Variants in NBN observed in about 807,000 individuals in gnomAD.
The protein encoded by NBN is Nijmegen breakage syndrome 1 (nibrin).
In NBN, 88 loss-of-function variants were observed where a neutral mutation model predicts 90.8. The observed-to-expected ratio is 0.97, with a 90% CI of 0.82 to 1.16. NBN has a LOEUF of 1.16. NBN is among the 50% of genes most tolerant of loss of function. The pLI, the probability that NBN is intolerant of heterozygous loss-of-function variation, is 0.00. For synonymous variants in NBN, 328 were observed against 295.1 expected (o/e 1.11, Z -1.14); for missense variants, 894 against 869.6 (o/e 1.03, Z -0.35).
chr8:89,944,793 C>T (rs968950768), intron 13 of NBN, among the ~76,000 whole-genome samples: 5 of 152,164 alleles, frequency 3.3e-5, no homozygotes, highest in Admixed American at 3.3e-4. Context: ...ATTGCCCAGG[C>T]TGGTCTCGAA....
At chr8:89,944,888 G>A (rs1330604313) in intron 13 of NBN, among the ~76,000 whole-genome samples, 1 of 152,124 alleles carries the variant, frequency 6.6e-6, no homozygotes, top group Non-Finnish European at 1.5e-5. Context: ...GCATGATTTG[G>A]AGATGTAAAG....
At chr8:89,970,781 C>T (rs1811479402) in intron 6 of NBN, among the ~76,000 whole-genome samples, 1 of 152,118 alleles carries the variant, frequency 6.6e-6, no homozygotes, top group Non-Finnish European at 1.5e-5. Context: ...CCTAACAGCA[C>T]TCTAACTGTG....
At position 89,937,046 on chromosome 8, in the gene NBN, A is replaced by T; in HGVS notation, c.2214T>A (p.Ser738=). 1 of 1,612,434 alleles carries T rather than the reference A, an allele frequency of 6.2e-7. No homozygotes were observed. The highest frequency in any genetic ancestry group is 8.5e-7 in the Non-Finnish European group (1 of 1,178,994). The change falls in exon 15 of 16, where the codon TCT becomes TCA. Residue 738 remains serine, a synonymous_variant. Transcript: ENST00000265433. Reference sequence around the variant, plus strand: ...TTTACCTAAAAAGATCATCAGCAAGAGACTCTTCTTTTGCATGTTGATTTT... The same window carrying T: ...TTTACCTAAAAAGATCATCAGCAAGTGACTCTTCTTTTGCATGTTGATTTT... ...EVQNQHAKEE[S]LADDLFRYNP...
chr8:89,954,154 G>A (rs13312927), intron 10 of NBN, among the ~76,000 whole-genome samples: 1 of 152,034 alleles, frequency 6.6e-6, no homozygotes, highest in African/African-American at 2.4e-5. Context: ...ACTGTATACT[G>A]CAAATGCTAT....
intron 7 of NBN, 35 bp from the exon 8 acceptor site, chr8:89,964,542 A>C: frequency 1.3e-6 from 2 of 1,546,556 alleles, no homozygotes; most frequent in Non-Finnish European, 1.8e-6. Context: ...ATGATAATAT[A>C]TTAAAACTAG....
chr8:89,948,666 T>C (rs957859117), intron 11 of NBN, among the ~76,000 whole-genome samples: 3 of 152,182 alleles, frequency 2.0e-5, no homozygotes, highest in Non-Finnish European at 4.4e-5. Flanking sequence ...AAAAATGAAG[T>C]TGGAAACGGC....
intron 3 of NBN, 146 bp downstream of exon 3, chr8:89,981,229 C>A: frequency 1.2e-6 from 1 of 864,568 alleles, no homozygotes; most frequent in Non-Finnish European, 1.8e-6. Context: ...AAAATGCACT[C>A]ACCACCCATG....
At chr8:89,947,126 C>G (rs1810227175) in intron 12 of NBN, among the ~76,000 whole-genome samples, 1 of 152,110 alleles carries the variant, frequency 6.6e-6, no homozygotes, top group Non-Finnish European at 1.5e-5. Context: ...TTAAGAACAG[C>G]CTAAACTTTT....
At chr8:89,984,267 G>C in intron 1 of NBN, 1 of 578,818 alleles carries the variant, frequency 1.7e-6, no homozygotes, top group Non-Finnish European at 3.1e-6. Context: ...GAGGGAGGGG[G>C]AGTCAGGGGA....
intron 1 of NBN, among the ~76,000 whole-genome samples, chr8:89,983,822 G>A (rs1812190561): frequency 6.6e-6 from 1 of 152,040 alleles, no homozygotes; most frequent in African/African-American, 2.4e-5. Context: ...GCCTTGACCT[G>A]TGAGTCTTCA....
chr8:89,947,980 T>C (rs937384903), intron 11 of NBN, 88 bp from the exon 12 acceptor site: 26 of 756,328 alleles, frequency 3.4e-5, no homozygotes, highest in Non-Finnish European at 5.2e-5. Context: ...TAAGATGAAG[T>C]GTAAAATGGT....
intron 5 of NBN, 51 bp downstream of exon 5, chr8:89,978,169 C>A: frequency 6.9e-7 from 1 of 1,447,414 alleles, no homozygotes; most frequent in South Asian, 1.2e-5. Context: ...AAATAAAAAT[C>A]AATGCTATCA....
At chr8:89,956,527 A>C (rs567028846) in intron 9 of NBN, among the ~76,000 whole-genome samples, 9 of 152,196 alleles carry the variant, frequency 5.9e-5, no homozygotes, top group Non-Finnish European at 1.2e-4. Flanking sequence ...TAACTATTTA[A>C]ATAGCTAGGT....
rs587781969 is a variant in NBN, at chr8:89,955,537, TG to T, written c.1142del (p.Pro381GlnfsTer23). ...CCATTTTGGAGACTTTGATTTCTTT[TG>T]GCCTTTCACTCAAATCCCTGTAGAA... ...QADTWDLSER[P>X]KEIKVSKMEQ... is the part of the protein sequence containing the mutation. On this transcript the variant is annotated frameshift_variant, in exon 10 of 16. Coordinates refer to ENST00000265433, the MANE Select transcript of NBN (RefSeq NM_002485.5). LOFTEE classifies it high-confidence loss of function. 5.4e-5 allele frequency: 87 copies of T among 1,613,320 alleles called. No individual in the cohort carries two copies. The highest frequency in any genetic ancestry group is 7.2e-5 in the Non-Finnish European group (85 of 1,179,766).
rs539780873 is a variant in NBN, at chr8:89,979,653, C to CA, written c.480+1080dup. Among the ~76,000 whole-genome samples, 82 of 143,746 alleles carry CA rather than the reference C, an allele frequency of 5.7e-4. 1 individual carries two copies. Among genetic ancestry groups the CA allele is most frequent in the Middle Eastern group, 3.6e-3 (1 of 280 alleles). The allele number at this position is 143,746 out of a possible 152,430, so 94.3% of individuals were successfully genotyped here. ...CTAACTGTACTTTCAGAAAATTTAC[C>CA]AAAAAAAAAAATATAACAACAAGGT... On this transcript the variant is annotated intron_variant, in intron 4 of 15. Transcript: ENST00000265433.
intron 8 of NBN, among the ~76,000 whole-genome samples, chr8:89,962,384 C>T (rs1003919482): frequency 1.3e-5 from 2 of 152,122 alleles, no homozygotes; most frequent in African/African-American, 4.8e-5. Flanking sequence ...TAATTAAAGT[C>T]TAAAATTACT....
intron 14 of NBN, among the ~76,000 whole-genome samples, chr8:89,939,427 TAATGA>T (rs1809835267): frequency 7.1e-6 from 1 of 141,220 alleles, no homozygotes; most frequent in Admixed American, 7.1e-5. Flanking sequence ...ATCTAATTCC[TAATGA>T]AATAAGCAAA....
At chr8:89,942,384 G>C (rs370381821) in intron 14 of NBN, among the ~76,000 whole-genome samples, 1 of 152,152 alleles carries the variant, frequency 6.6e-6, no homozygotes, top group Admixed American at 6.6e-5. Context: ...GATAGAAAAC[G>C]TATCTTTTCT....
intron 11 of NBN, among the ~76,000 whole-genome samples, chr8:89,951,495 T>G (rs2098931704): frequency 6.6e-6 from 1 of 152,088 alleles, no homozygotes; most frequent in South Asian, 2.1e-4. Context: ...TTAAGTAACC[T>G]GAATACAGAT....
Sources: gnomAD v4.1 joint callset for allele counts (sites outside exome capture counted in the v4.1 genomes callset) on GRCh38, gnomAD v4.1.1 for gene constraint, MANE v1.5 for transcripts, NCBI Gene and HGNC (gene_info 2026-07-23, HGNC 2026-07-21) for gene names.